The following DNAH9 variants were observed in gnomAD, a reference collection of about 807,000 sequenced individuals.
The protein encoded by DNAH9 is dynein axonemal heavy chain 9, also known as DNAH9 variant protein.
In DNAH9, 345 loss-of-function variants were observed where a neutral mutation model predicts 471.6. The ratio of observed to expected loss-of-function variants is 0.73; its 90% confidence interval spans 0.67 to 0.80. DNAH9 has a LOEUF of 0.80. Among genes scored for constraint, DNAH9 ranks in the 30% least tolerant of loss-of-function variants. DNAH9 has a pLI of 0.00. For synonymous variants in DNAH9, 2,093 were observed against 2,123.6 expected (o/e 0.99, Z 0.40); for missense variants, 5,407 against 5,609.2 (o/e 0.96, Z 1.15).
intron 45 of DNAH9, among the ~76,000 whole-genome samples, chr17:11,817,919 A>G (rs971423036): frequency 6.6e-6 from 1 of 152,232 alleles, no homozygotes; most frequent in Non-Finnish European, 1.5e-5. Context: ...ATAAAAGCTA[A>G]TTAGTATGAA....
intron 49 of DNAH9, among the ~76,000 whole-genome samples, chr17:11,844,863 A>G (rs960050258): frequency 7.9e-5 from 12 of 152,042 alleles, no homozygotes; most frequent in Non-Finnish European, 1.0e-4. Context: ...GTGAGATTGT[A>G]TTTCATTGCG....
intron 45 of DNAH9, among the ~76,000 whole-genome samples, chr17:11,816,538 C>G (rs1369092526): frequency 6.6e-6 from 1 of 152,202 alleles, no homozygotes; most frequent in African/African-American, 2.4e-5. Flanking sequence ...CACTCACTTG[C>G]GTTTTCTCCT....
intron 59 of DNAH9, among the ~76,000 whole-genome samples, chr17:11,900,694 A>G (rs2151011589): frequency 6.6e-6 from 1 of 152,214 alleles, no homozygotes; most frequent in South Asian, 2.1e-4. Flanking sequence ...GGTAGTAGGA[A>G]TTGAATAAAT....
At chr17:11,928,594 A>T (rs1974404076) in intron 62 of DNAH9, among the ~76,000 whole-genome samples, 1 of 152,258 alleles carries the variant, frequency 6.6e-6, no homozygotes, top group Admixed American at 6.5e-5. Context: ...TGATAGATAG[A>T]CAGACAGCAA....
At chr17:11,755,711 G>C (rs935166799) in intron 33 of DNAH9, among the ~76,000 whole-genome samples, 2 of 149,762 alleles carry the variant, frequency 1.3e-5, no homozygotes, top group African/African-American at 5.1e-5. Flanking sequence ...CACACACACA[G>C]GGGTGGTGGT....
chr17:11,769,083 G>T, intron 37 of DNAH9, 39 bp from the exon 38 acceptor site: 1 of 1,608,170 alleles, frequency 6.2e-7, no homozygotes, highest in Non-Finnish European at 8.5e-7. Flanking sequence ...TTTCTCCCTA[G>T]AGCCCACCCT....
chr17:11,613,024 A>G (rs56088212), intron 4 of DNAH9, among the ~76,000 whole-genome samples: 1,929 of 152,270 alleles, frequency 0.013, 32 homozygotes, highest in African/African-American at 0.044. Flanking sequence ...AAAGGAAGAA[A>G]AGTCCAGGTG....
At chr17:11,690,803 C>T (rs771332121) in intron 20 of DNAH9, among the ~76,000 whole-genome samples, 50 of 152,154 alleles carry the variant, frequency 3.3e-4, no homozygotes, top group Non-Finnish European at 6.0e-4. Flanking sequence ...CCACTGAAAG[C>T]GAGTCTCGTT....
Position 11,946,770 on chromosome 17 carries a change from AAAAAT to A in DNAH9, c.12843+4297_12843+4301del, listed in dbSNP as rs373071982. 2.8e-3 allele frequency among the ~76,000 whole-genome samples: 433 copies of A among 152,204 alleles called. 4 individuals are homozygous for A. Among genetic ancestry groups the A allele is most frequent in the Middle Eastern group, 0.017 (5 of 292 alleles). ...AAGAAAAAAAAATGCTTGCAAGCCG[AAAAAT>A]AAAATAAAATATTCCAGGGCTGTTT... On this transcript the variant is annotated intron_variant, in intron 67 of 68. Coordinates refer to ENST00000262442, the MANE Select transcript of DNAH9 (RefSeq NM_001372.4).
At chr17:11,900,635 G>GT (rs1196220851) in intron 59 of DNAH9, among the ~76,000 whole-genome samples, 1 of 151,944 alleles carries the variant, frequency 6.6e-6, no homozygotes, top group Non-Finnish European at 1.5e-5. Flanking sequence ...AAAGGCTTGT[G>GT]TTTTTTGTTG....
intron 36 of DNAH9, among the ~76,000 whole-genome samples, chr17:11,765,228 T>C (rs1967885265): frequency 2.0e-5 from 3 of 152,194 alleles, no homozygotes; most frequent in Non-Finnish European, 2.9e-5. Context: ...ACTATTCTTC[T>C]AGTAAAAATA....
At chr17:11,917,260 G>A (rs1184180940) in intron 61 of DNAH9, among the ~76,000 whole-genome samples, 5 of 152,074 alleles carry the variant, frequency 3.3e-5, no homozygotes, top group African/African-American at 1.2e-4. Context: ...GGGTTCAAGC[G>A]ATTCTCCTGC....
At chr17:11,621,586 A>G (rs915040868) in intron 6 of DNAH9, among the ~76,000 whole-genome samples, 3 of 152,134 alleles carry the variant, frequency 2.0e-5, no homozygotes, top group African/African-American at 7.2e-5. Flanking sequence ...ATCTGTTATC[A>G]GTTCAGAAAG....
In DNAH9 at chr17:11,688,098, AAAG is replaced by A. The variant is rs1367585021; in HGVS notation, c.3744-1465_3744-1463del. Among the ~76,000 whole-genome samples, 17 of 142,082 alleles carry A rather than the reference AAAG, an allele frequency of 1.2e-4. 1 individual carries two copies. The highest frequency in any genetic ancestry group is 1.5e-4 in the Non-Finnish European group (10 of 66,400). The allele number at this position is 142,082 out of a possible 152,430, so 93.2% of individuals were successfully genotyped here. ...GCAGTAAGCCAAAAAAAAAAAAAAA[AAAG>A]AAAAAGCCATCTGCCTACATGGGTT... On this transcript the variant is annotated intron_variant, in intron 19 of 68. Transcript: ENST00000262442.
chr17:11,664,944 C>G lies in DNAH9; in HGVS notation c.2707C>G (p.Leu903Val), dbSNP rs745507578. Reference sequence around the variant, plus strand: ...ATTCTTTCTTGCCATTGAGTGCTCCCTCAAGTATCTTCTGGAAAATACTGG... The same window carrying G: ...ATTCTTTCTTGCCATTGAGTGCTCCGTCAAGTATCTTCTGGAAAATACTGG... Reference protein sequence around the residue: ...NGFFLAIECSLKYLLENTECK... With the variant: ...NGFFLAIECSVKYLLENTECK... Residue 903 changes from leucine (L) to valine (V), a missense_variant, in exon 15 of 69, where the codon CTC (leucine) becomes GTC (valine). Physicochemically the swap from Leu to Val is conservative, Grantham distance 32. Around this residue, in one of 3 missense-constraint regions of DNAH9, gnomAD observed 4,636 missense variants for 4,900.3 expected, o/e 0.95. Transcript: ENST00000262442. 1.9e-6 allele frequency: 3 copies of G among 1,613,488 alleles called. No individual in the cohort carries two copies. Among genetic ancestry groups the G allele is most frequent in the Non-Finnish European group, 1.7e-6 (2 of 1,179,606 alleles).
intron 36 of DNAH9, among the ~76,000 whole-genome samples, chr17:11,766,838 C>T (rs983676799): frequency 1.3e-5 from 2 of 152,012 alleles, no homozygotes; most frequent in East Asian, 1.9e-4. Context: ...GGCATGGTGG[C>T]GGGTGCCTGT....
At chr17:11,741,514 G>T (rs2075432981) in intron 29 of DNAH9, among the ~76,000 whole-genome samples, 1 of 149,382 alleles carries the variant, frequency 6.7e-6, no homozygotes, top group Non-Finnish European at 1.5e-5. Flanking sequence ...AACAAGTACA[G>T]GATACACCCT....
At position 11,805,523 on chromosome 17, in the gene DNAH9, C is replaced by CTTTTTTTTTTTTTTT. The variant is rs773842478; in HGVS notation, c.8421-2181_8421-2167dup. Reference sequence around the variant, plus strand: ...TATTTGGCCAAACTTTACCCGAGTTCTTTTTTTTTTTTTTTTTTTTTTTTT... The same window carrying CTTTTTTTTTTTTTTT: ...TATTTGGCCAAACTTTACCCGAGTTCTTTTTTTTTTTTTTTTTTTTTTTTTTTTTTTTTTTTTTTT... On this transcript the variant is annotated intron_variant, in intron 43 of 68. Transcript: ENST00000262442. Among the ~76,000 whole-genome samples, 7 of 52,092 alleles carry CTTTTTTTTTTTTTTT rather than the reference C, an allele frequency of 1.3e-4. 1 individual carries two copies. The highest frequency in any genetic ancestry group is 3.1e-4 in the Admixed American group (1 of 3,214). The allele number at this position is 52,092 out of a possible 152,430, so 34.2% of individuals were successfully genotyped here.
rs59888672 is a variant in DNAH9, at chr17:11,732,053, A to G, written c.5814+4131A>G. ...CCCTTCACTCCTTCTGAGCTGGACC[A>G]ACCTCGAGCTATCTTATCAAGCTTA... is the stretch of plus-strand genomic sequence containing the variant. On this transcript the variant is annotated intron_variant, in intron 28 of 68. Coordinates refer to ENST00000262442, the MANE Select transcript of DNAH9 (RefSeq NM_001372.4). Among the ~76,000 whole-genome samples, 1,068 of 152,280 alleles carry G rather than the reference A, an allele frequency of 7.0e-3. 10 individuals carry two copies. The highest frequency in any genetic ancestry group is 0.023 in the African/African-American group (959 of 41,554).
Sources: gnomAD v4.1 joint callset for allele counts (sites outside exome capture counted in the v4.1 genomes callset) on GRCh38, gnomAD v4.1.1 for gene constraint, gnomAD v4.1.1 regional missense constraint, MANE v1.5 for transcripts, NCBI Gene and HGNC (gene_info 2026-07-23, HGNC 2026-07-21) for gene names.